CDKL1: variants seen among roughly 807,000 people sequenced by gnomAD.
The protein encoded by CDKL1 is cyclin-dependent kinase-like 1.
Under a neutral mutation model 42.0 loss-of-function variants are expected in CDKL1, and 41 were observed. That is an observed-to-expected ratio of 0.98 (90% CI 0.76 to 1.27). The LOEUF (loss-of-function observed/expected upper bound fraction) is 1.27. Among genes scored for constraint, CDKL1 ranks in the 50% most tolerant of loss-of-function variants. The pLI is 0.00. For synonymous variants in CDKL1, 153 were observed against 158.6 expected (o/e 0.96, Z 0.26); for missense variants, 394 against 428.4 (o/e 0.92, Z 0.71).
Position 50,342,184 on chromosome 14 carries a change from G to A in CDKL1, c.402C>T (p.Ile134=). Residue 134 remains isoleucine (I), a synonymous_variant, in exon 5 of 10, where the codon ATC becomes ATT. Coordinates refer to ENST00000395834, the MANE Select transcript of CDKL1 (RefSeq NM_004196.7). The part of the protein sequence containing the change: ...HRDVKPENIL[I]TKHSVIKLCD... ...AAAGCTTAATCACGGAATGTTTCGT[G>A]ATGAGGATATTTTCTGGCTTCACGT... 6.2e-7 allele frequency: 1 copy of A among 1,614,100 alleles called. No individual in the cohort carries two copies. Among genetic ancestry groups the A allele is most frequent in the Non-Finnish European group, 8.5e-7 (1 of 1,180,000 alleles).
chr14:50,369,170 A>C (rs1019491466), intron 2 of CDKL1, among the ~76,000 whole-genome samples: 6 of 152,034 alleles, frequency 3.9e-5, no homozygotes, highest in Admixed American at 6.6e-5. Flanking sequence ...CCCGGCCGCT[A>C]CCCTTAACCA....
At chr14:50,357,888 G>T in intron 3 of CDKL1, 1 of 420,054 alleles carries the variant, frequency 2.4e-6, no homozygotes, top group East Asian at 6.4e-5. Flanking sequence ...ACCATATAAG[G>T]GAAGCTTATT....
chr14:50,358,060 C>G (rs1454377687), intron 3 of CDKL1: 1 of 1,356,530 alleles, frequency 7.4e-7, no homozygotes, highest in Admixed American at 1.9e-5. Context: ...GGAAGGGACC[C>G]CCTCCTCCTT....
chr14:50,361,860 G>A (rs898463161), intron 2 of CDKL1, among the ~76,000 whole-genome samples: 7 of 151,962 alleles, frequency 4.6e-5, no homozygotes, highest in African/African-American at 1.5e-4. Flanking sequence ...GGCGGCACTT[G>A]AGGAGCCCTT....
chr14:50,357,540 A>G (rs563375873), intron 3 of CDKL1, among the ~76,000 whole-genome samples: 1 of 152,126 alleles, frequency 6.6e-6, no homozygotes, highest in South Asian at 2.1e-4. Flanking sequence ...AGGATGGGAT[A>G]TTTTTCATCC....
intron 2 of CDKL1, among the ~76,000 whole-genome samples, chr14:50,387,522 T>C (rs2035123092): frequency 9.2e-6 from 1 of 108,396 alleles, no homozygotes; most frequent in Admixed American, 8.5e-5. Context: ...AGACTCCATC[T>C]CAAAAAAAAA....
At chr14:50,356,594 C>G (rs1024036154) in intron 3 of CDKL1, among the ~76,000 whole-genome samples, 2 of 152,140 alleles carry the variant, frequency 1.3e-5, no homozygotes, top group African/African-American at 4.8e-5. Context: ...AACCAAACAC[C>G]ACATGTTCTC....
chr14:50,388,017 C>A (rs2035138894), intron 2 of CDKL1, among the ~76,000 whole-genome samples: 1 of 152,178 alleles, frequency 6.6e-6, no homozygotes, highest in South Asian at 2.1e-4. Context: ...CTGCCTCAGC[C>A]TCCCAAGTAG....
intron 2 of CDKL1, chr14:50,378,569 T>G (rs1415406566): frequency 1.2e-5 from 8 of 669,420 alleles, no homozygotes; most frequent in Middle Eastern, 6.3e-4. Flanking sequence ...GGTCATAATC[T>G]GTCATCCAGG....
In CDKL1 at chr14:50,396,030, C is replaced by A; in HGVS notation, c.-162G>T. 9.9e-7 allele frequency: 1 copy of A among 1,006,434 alleles called. No individual in the cohort carries two copies. Among genetic ancestry groups the A allele is most frequent in the Non-Finnish European group, 1.4e-6 (1 of 722,138 alleles). The allele number at this position is 1,006,434 out of a possible 1,614,324, so 62.3% of individuals were successfully genotyped here. On this transcript the variant is annotated 5_prime_UTR_variant, in exon 2 of 10. Transcript: ENST00000395834. ...TGAAACTCCGTCTCTACTAAAGATA[C>A]AAAAAATTAGCCGGGTGTGGTGATG...
chr14:50,357,911 T>C (rs565931438), intron 3 of CDKL1: 3 of 484,352 alleles, frequency 6.2e-6, no homozygotes, highest in Non-Finnish European at 1.1e-5. Context: ...CAAGGCACAA[T>C]GAAGAAGAAT....
intron 3 of CDKL1, among the ~76,000 whole-genome samples, chr14:50,346,912 G>A (rs1595290713): frequency 6.6e-6 from 1 of 151,962 alleles, no homozygotes. Flanking sequence ...GCCTCCCAAA[G>A]TGCTGGGATT....
chr14:50,380,072 G>T, intron 2 of CDKL1: 1 of 490,130 alleles, frequency 2.0e-6, no homozygotes, highest in Non-Finnish European at 4.2e-6. Flanking sequence ...TGCAAAATTG[G>T]CATAGGTATG....
Position 50,332,625 on chromosome 14 carries a change from T to C in CDKL1, c.796-193A>G. On this transcript the variant is annotated intron_variant, in intron 8 of 9. Transcript: ENST00000395834. ...GCACTCACATATTAAATAAATAGTT[T>C]CTAGAAGTAGTAATGAAAAATCATT... 5 of 1,512,300 alleles carry C rather than the reference T, an allele frequency of 3.3e-6. No individual in the cohort carries two copies. The South Asian group carries it at 3.6e-5, about 11-fold the overall frequency. The allele number at this position is 1,512,300 out of a possible 1,614,324, so 93.7% of individuals were successfully genotyped here. A position where few individuals can be genotyped will look rare whatever the true frequency, so the allele number is the denominator to read the frequency against.
intron 2 of CDKL1, chr14:50,378,380 G>A: frequency 7.3e-7 from 1 of 1,366,456 alleles, no homozygotes; most frequent in Non-Finnish European, 9.8e-7. Flanking sequence ...TGCCTCATAG[G>A]TACCAGCAGC....
intron 4 of CDKL1, chr14:50,342,958 A>AGAGCTGCAGCCACCCCTC (rs754099141): frequency 7.4e-7 from 1 of 1,357,902 alleles, no homozygotes; most frequent in South Asian, 1.2e-5. Context: ...AAGTGCTCTG[A>AGAGCTGCAGCCACCCCTC]GAGCTGCAGC....
At chr14:50,376,089 C>T (rs1459574675) in intron 2 of CDKL1, among the ~76,000 whole-genome samples, 1 of 152,032 alleles carries the variant, frequency 6.6e-6, no homozygotes, top group Admixed American at 6.6e-5. Flanking sequence ...GATTCTGGAA[C>T]AGAAACAGGA....
At chr14:50,342,883 C>G in intron 4 of CDKL1, 3 of 1,287,494 alleles carry the variant, frequency 2.3e-6, no homozygotes, top group Non-Finnish European at 3.0e-6. Context: ...ACAAGATAAA[C>G]AAGAGTAGGC....
At chr14:50,336,222 T>A in intron 7 of CDKL1, 2 of 1,327,802 alleles carry the variant, frequency 1.5e-6, no homozygotes, top group South Asian at 2.4e-5. Flanking sequence ...GCAGAGGGAC[T>A]GGGGCACAGA....
Sources: allele counts gnomAD v4.1 joint callset (sites outside exome capture counted in the v4.1 genomes callset), GRCh38; gene constraint gnomAD v4.1.1; transcripts MANE v1.5; gene names NCBI Gene and HGNC (gene_info 2026-07-23, HGNC 2026-07-21).